FBXL7: variants seen among roughly 807,000 people sequenced by gnomAD.
The protein encoded by FBXL7 is F-box and leucine rich repeat protein 7, also known as F-box/LRR-repeat protein 7.
In FBXL7, 12 loss-of-function variants were observed where a neutral mutation model predicts 38.3. That is an observed-to-expected ratio of 0.31 (90% CI 0.20 to 0.51). FBXL7 has a LOEUF of 0.51. Ranked by LOEUF, FBXL7 falls within the 20% of genes least tolerant of loss-of-function variation. FBXL7 has a pLI of 0.98. For missense variants in FBXL7, 567 were observed against 676.4 expected (o/e 0.84, Z 1.79); for synonymous variants, 297 against 300.9 (o/e 0.99, Z 0.13).
chr5:15,511,808 G>T (rs770397237), intron 1 of FBXL7, among the ~76,000 whole-genome samples: 41 of 152,196 alleles, frequency 2.7e-4, no homozygotes, highest in Non-Finnish European at 4.0e-4. Flanking sequence ...CATCACTTTT[G>T]CAGCTGTATT....
At chr5:15,618,471 CAT>C (rs765916775) in intron 2 of FBXL7, among the ~76,000 whole-genome samples, 2 of 152,094 alleles carry the variant, frequency 1.3e-5, no homozygotes, top group Non-Finnish European at 2.9e-5. Context: ...GGTGTGGGCA[CAT>C]GTTACATTAA....
intron 2 of FBXL7, among the ~76,000 whole-genome samples, chr5:15,758,311 CA>C (rs1736352999): frequency 6.8e-6 from 1 of 146,644 alleles, no homozygotes; most frequent in South Asian, 2.2e-4. Flanking sequence ...TAAACAAGGG[CA>C]TTTTTTTTTT....
chr5:15,798,676 C>T (rs555258304), intron 2 of FBXL7, among the ~76,000 whole-genome samples: 1 of 152,226 alleles, frequency 6.6e-6, no homozygotes, highest in South Asian at 2.1e-4. Flanking sequence ...AATATGTTAC[C>T]TATTCAAGAA....
chr5:15,885,890 A>ATT (rs200739879), intron 2 of FBXL7, among the ~76,000 whole-genome samples: 23 of 145,384 alleles, frequency 1.6e-4, no homozygotes, highest in African/African-American at 5.5e-4. Context: ...AATTTATTTT[A>ATT]TTTTTTTTTT....
chr5:15,695,117 A>G (rs1231537190), intron 2 of FBXL7, among the ~76,000 whole-genome samples: 2 of 152,210 alleles, frequency 1.3e-5, no homozygotes, highest in Non-Finnish European at 2.9e-5. Flanking sequence ...CTTGTGATAT[A>G]ATTAATAACT....
At chr5:15,662,714 A>G (rs1193847690) in intron 2 of FBXL7, among the ~76,000 whole-genome samples, 1 of 152,152 alleles carries the variant, frequency 6.6e-6, no homozygotes, top group African/African-American at 2.4e-5. Context: ...AATCTTCTGC[A>G]TGTGGCTAGC....
intron 2 of FBXL7, among the ~76,000 whole-genome samples, chr5:15,888,296 C>T (rs1370618029): frequency 1.3e-5 from 2 of 151,782 alleles, no homozygotes; most frequent in African/African-American, 2.4e-5. Flanking sequence ...GGCGCAATCT[C>T]GGCTCACTGC....
At chr5:15,746,246 AC>A (rs1483551180) in intron 2 of FBXL7, among the ~76,000 whole-genome samples, 1 of 152,144 alleles carries the variant, frequency 6.6e-6, no homozygotes, top group Non-Finnish European at 1.5e-5. Context: ...GTTACCTGTT[AC>A]CCTTGAGATG....
intron 2 of FBXL7, among the ~76,000 whole-genome samples, chr5:15,867,465 A>G (rs1393155511): frequency 6.6e-6 from 1 of 152,192 alleles, no homozygotes; most frequent in South Asian, 2.1e-4. Context: ...TGACTGGTTT[A>G]CTTGTGTTTC....
At chr5:15,747,873 T>C (rs2126681733) in intron 2 of FBXL7, among the ~76,000 whole-genome samples, 1 of 152,312 alleles carries the variant, frequency 6.6e-6, no homozygotes, top group South Asian at 2.1e-4. Flanking sequence ...GCAGCTGAAC[T>C]TGGACTATTG....
At chr5:15,532,878 G>C (rs1291501745) in intron 1 of FBXL7, among the ~76,000 whole-genome samples, 2 of 152,242 alleles carry the variant, frequency 1.3e-5, no homozygotes, top group African/African-American at 2.4e-5. Context: ...GCAGAGCTTT[G>C]CTGACAAATG....
chr5:15,829,262 G>C (rs1738392459), intron 2 of FBXL7, among the ~76,000 whole-genome samples: 1 of 151,964 alleles, frequency 6.6e-6, no homozygotes, highest in Admixed American at 6.6e-5. Context: ...TGGTGGTGGT[G>C]GTGGTGGTTT....
In FBXL7 at chr5:15,824,402, T is replaced by C. The variant is rs1019104930; in HGVS notation, c.128-103488T>C. On this transcript the variant is annotated intron_variant, in intron 2 of 3. Coordinates refer to ENST00000504595, the MANE Select transcript of FBXL7 (RefSeq NM_012304.5). ...CCTGACTGTGGCTTATTTTCTCAGGTGTACTCCTCGGCACTTCCCGGCCCA... is the reference window on the plus strand; with the variant it reads ...CCTGACTGTGGCTTATTTTCTCAGGCGTACTCCTCGGCACTTCCCGGCCCA... Among the ~76,000 whole-genome samples, 3 of 152,064 alleles carry C rather than the reference T, an allele frequency of 2.0e-5. No homozygotes were observed. The South Asian group carries it at 6.2e-4, about 32-fold the overall frequency.
chr5:15,650,996 C>T (rs750244657), intron 2 of FBXL7, among the ~76,000 whole-genome samples: 3 of 152,202 alleles, frequency 2.0e-5, no homozygotes, highest in Non-Finnish European at 2.9e-5. Flanking sequence ...TAATGGCATC[C>T]AGAATGATGA....
At chr5:15,906,210 C>T (rs893927929) in intron 2 of FBXL7, among the ~76,000 whole-genome samples, 2 of 151,698 alleles carry the variant, frequency 1.3e-5, no homozygotes, top group Admixed American at 6.6e-5. Flanking sequence ...TATTGAGGAG[C>T]TTTACACATT....
chr5:15,772,630 C>T (rs1438892963), intron 2 of FBXL7, among the ~76,000 whole-genome samples: 1 of 152,116 alleles, frequency 6.6e-6, no homozygotes, highest in East Asian at 1.9e-4. Flanking sequence ...ATAATACCCT[C>T]TTCATGGTGT....
chr5:15,856,014 A>T (rs1338778271), intron 2 of FBXL7, among the ~76,000 whole-genome samples: 1 of 152,146 alleles, frequency 6.6e-6, no homozygotes, highest in African/African-American at 2.4e-5. Context: ...AATAGAGGGG[A>T]TGTATTAGTC....
At chr5:15,742,611 A>G (rs931984746) in intron 2 of FBXL7, among the ~76,000 whole-genome samples, 1 of 152,208 alleles carries the variant, frequency 6.6e-6, no homozygotes, top group African/African-American at 2.4e-5. Flanking sequence ...ATTTGCATTG[A>G]ACATATTTGT....
At chr5:15,519,826 G>T (rs541045918) in intron 1 of FBXL7, among the ~76,000 whole-genome samples, 2 of 152,178 alleles carry the variant, frequency 1.3e-5, no homozygotes, top group East Asian at 3.8e-4. Context: ...TTACAGGAAA[G>T]GAGTCCAGAT....
Sources: gnomAD v4.1 joint callset for allele counts (sites outside exome capture counted in the v4.1 genomes callset) on GRCh38, gnomAD v4.1.1 for gene constraint, MANE v1.5 for transcripts, NCBI Gene and HGNC (gene_info 2026-07-23, HGNC 2026-07-21) for gene names.